APBB2: variants seen among roughly 807,000 people sequenced by gnomAD.
APBB2 encodes the protein amyloid beta precursor protein binding family B member 2.
In APBB2, 38 loss-of-function variants were observed where a neutral mutation model predicts 82.5. That is an observed-to-expected ratio of 0.46 (90% CI 0.36 to 0.60). APBB2 has a LOEUF of 0.60. APBB2 is among the 20% of genes least tolerant of loss of function. APBB2 has a pLI of 0.00. For missense variants in APBB2, 772 were observed against 972.3 expected (o/e 0.79, Z 2.74); for synonymous variants, 341 against 368.2 (o/e 0.93, Z 0.85).
intron 6 of APBB2, among the ~76,000 whole-genome samples, chr4:40,989,556 A>T (rs1427681715): frequency 6.6e-6 from 1 of 152,042 alleles, no homozygotes; most frequent in East Asian, 1.9e-4. Flanking sequence ...AATCCATCCC[A>T]GATGTGGCCA....
intron 4 of APBB2, among the ~76,000 whole-genome samples, chr4:41,046,400 G>A (rs751755652): frequency 1.1e-4 from 17 of 151,666 alleles, no homozygotes; most frequent in Non-Finnish European, 2.1e-4. Context: ...ACATCTCTTC[G>A]TAAAATCTAC....
At chr4:41,170,272 G>T (rs1767893266) in intron 1 of APBB2, among the ~76,000 whole-genome samples, 1 of 152,036 alleles carries the variant, frequency 6.6e-6, no homozygotes, top group Non-Finnish European at 1.5e-5. Context: ...GCATATCCTA[G>T]GCCATCCGGA....
intron 12 of APBB2, among the ~76,000 whole-genome samples, chr4:40,862,619 G>A (rs764690434): frequency 1.3e-5 from 2 of 152,182 alleles, no homozygotes; most frequent in South Asian, 2.1e-4. Flanking sequence ...CCAGAACTTC[G>A]GGAGGCCAAG....
Position 40,859,072 on chromosome 4 carries a change from T to C in APBB2, c.1530-28495A>G, listed in dbSNP as rs114017399. On this transcript the variant is annotated intron_variant, in intron 12 of 17. Transcript: ENST00000508593. Reference sequence around the variant, plus strand: ...TCCAGTGAGTTTGGTTGTCTGATTCTCTGTCTATAGCAGGGCAGAAGCAAC... The same window carrying C: ...TCCAGTGAGTTTGGTTGTCTGATTCCCTGTCTATAGCAGGGCAGAAGCAAC... 1.4e-3 allele frequency among the ~76,000 whole-genome samples: 213 copies of C among 152,294 alleles called. 1 individual carries two copies. The highest frequency in any genetic ancestry group is 4.8e-3 in the African/African-American group (199 of 41,552).
At chr4:41,070,069 C>A (rs1464245527) in intron 3 of APBB2, among the ~76,000 whole-genome samples, 1 of 152,318 alleles carries the variant, frequency 6.6e-6, no homozygotes, top group East Asian at 1.9e-4. Flanking sequence ...ACTCTCACAG[C>A]ATGGTGCCTC....
intron 1 of APBB2, among the ~76,000 whole-genome samples, chr4:41,161,170 CA>C (rs33917178): frequency 0.15 from 13,088 of 85,962 alleles, 228 homozygotes; most frequent in East Asian, 0.26. Context: ...TCTTCCCTGG[CA>C]AAAAAAAAAA....
intron 10 of APBB2, among the ~76,000 whole-genome samples, chr4:40,930,446 T>TGCGC (rs1366786393): frequency 6.1e-5 from 5 of 81,382 alleles, no homozygotes; most frequent in African/African-American, 1.2e-4. Context: ...TGTGTGTGTG[T>TGCGC]GTGCGCGCGC....
chr4:40,876,694 A>C (rs1767004199), intron 12 of APBB2, among the ~76,000 whole-genome samples: 1 of 152,196 alleles, frequency 6.6e-6, no homozygotes, highest in South Asian at 2.1e-4. Context: ...AACTATGTAG[A>C]TAATTGTTAT....
intron 12 of APBB2, among the ~76,000 whole-genome samples, chr4:40,856,647 G>A (rs921980493): frequency 6.6e-6 from 1 of 152,244 alleles, no homozygotes; most frequent in Non-Finnish European, 1.5e-5. Flanking sequence ...CACGTGAGGC[G>A]AAGGCAGTCA....
At chr4:41,171,978 T>C (rs1164366493) in intron 1 of APBB2, among the ~76,000 whole-genome samples, 1 of 152,170 alleles carries the variant, frequency 6.6e-6, no homozygotes, top group African/African-American at 2.4e-5. Flanking sequence ...CAGAAGCCTG[T>C]AATCCCAGCT....
intron 2 of APBB2, among the ~76,000 whole-genome samples, chr4:41,136,822 T>C (rs1426553459): frequency 6.6e-6 from 1 of 152,136 alleles, no homozygotes; most frequent in East Asian, 1.9e-4. Flanking sequence ...AAATGTCATG[T>C]CCCAAACAAA....
At chr4:41,191,327 A>G (rs1774379007) in intron 1 of APBB2, among the ~76,000 whole-genome samples, 1 of 152,212 alleles carries the variant, frequency 6.6e-6, no homozygotes, top group Admixed American at 6.5e-5. Context: ...ATCTGCAACA[A>G]TCTAATTCCC....
chr4:41,073,791 G>GA (rs149131667), intron 3 of APBB2, among the ~76,000 whole-genome samples: 3,243 of 152,000 alleles, frequency 0.021, 67 homozygotes, highest in African/African-American at 0.05. Flanking sequence ...AACAACAAAA[G>GA]AAAAAAACAG....
chr4:40,904,380 G>A (rs571457727), intron 10 of APBB2, among the ~76,000 whole-genome samples: 32 of 152,034 alleles, frequency 2.1e-4, no homozygotes, highest in African/African-American at 5.1e-4. Flanking sequence ...GCAGTAAGCC[G>A]AGATGGCGCC....
In APBB2 at chr4:40,918,064, G is replaced by A. The variant is rs187363204; in HGVS notation, c.1254+16392C>T. On this transcript the variant is annotated intron_variant, in intron 10 of 17. Coordinates refer to ENST00000508593, the MANE Select transcript of APBB2 (RefSeq NM_004307.2). The stretch of plus-strand genomic sequence containing the variant: ...TTTCTCACATTGCTTTTGAAGGAGA[G>A]GATGGCAGTTCACACTTTAGCACAT... Among the ~76,000 whole-genome samples, 516 of 152,312 alleles carry A rather than the reference G, an allele frequency of 3.4e-3. 2 individuals carry two copies. Among genetic ancestry groups the A allele is most frequent in the Non-Finnish European group, 5.9e-3 (399 of 68,024 alleles).
intron 1 of APBB2, among the ~76,000 whole-genome samples, chr4:41,203,207 T>C (rs1580810930): frequency 1.3e-5 from 2 of 151,920 alleles, no homozygotes; most frequent in Admixed American, 1.3e-4. Flanking sequence ...AAGATACACA[T>C]ATACACACAC....
intron 3 of APBB2, among the ~76,000 whole-genome samples, chr4:41,072,221 T>C (rs1734145803): frequency 6.6e-6 from 1 of 152,032 alleles, no homozygotes; most frequent in South Asian, 2.1e-4. Context: ...AGGGAGAGGG[T>C]GTGAAGTTGG....
At position 40,814,851 on chromosome 4, in the gene APBB2, C is replaced by G. The variant is rs1253704355; in HGVS notation, c.*1241G>C. The G allele has an allele frequency of 6.6e-6, 1 of 152,098 alleles. No individual in the cohort carries two copies. Among genetic ancestry groups the G allele is most frequent in the Non-Finnish European group, 1.5e-5 (1 of 68,032 alleles). 9.4% of individuals were successfully genotyped at this position (152,098 alleles called of 1,614,324 possible). ...GTCCATTACTCCTGTGTAGACTTTG[C>G]TCAGGTATGAACATTTCAAATCTTC... On this transcript the variant is annotated 3_prime_UTR_variant, in exon 18 of 18. Coordinates refer to ENST00000508593, the MANE Select transcript of APBB2 (RefSeq NM_004307.2).
chr4:41,166,091 G>A (rs1336361624), intron 1 of APBB2, among the ~76,000 whole-genome samples: 1 of 150,792 alleles, frequency 6.6e-6, no homozygotes, highest in African/African-American at 2.4e-5. Flanking sequence ...AGCCAGGATG[G>A]TCTCAATCTC....
Sources: allele counts gnomAD v4.1 joint callset (sites outside exome capture counted in the v4.1 genomes callset), GRCh38; gene constraint gnomAD v4.1.1; transcripts MANE v1.5; gene names NCBI Gene and HGNC (gene_info 2026-07-23, HGNC 2026-07-21).